TULP4: variants seen among roughly 807,000 people sequenced by gnomAD.
The protein encoded by TULP4 is tubby-related protein 4.
TULP4 carries 16 observed loss-of-function variants against 129.0 expected under a neutral mutation model. The ratio of observed to expected loss-of-function variants is 0.12; its 90% CI spans 0.08 to 0.19. The LOEUF is 0.19. Among genes scored for constraint, TULP4 ranks in the 10% least tolerant of loss-of-function variants. TULP4 has a pLI of 1.00. For synonymous variants in TULP4, 998 were observed against 854.0 expected, an observed-to-expected ratio of 1.17 and a Z score of -2.94; for missense variants, 1,842 against 2,059.1, an observed-to-expected ratio of 0.89 and a Z score of 2.04.
intron 1 of TULP4, among the ~76,000 whole-genome samples, chr6:158,348,682 C>T (rs1439098688): frequency 2.0e-5 from 3 of 152,080 alleles, no homozygotes; most frequent in Non-Finnish European, 2.9e-5. Flanking sequence ...TCTCGATGGT[C>T]GCTGTCTCTT....
At chr6:158,443,571 ATT>A (rs1778948764) in intron 3 of TULP4, among the ~76,000 whole-genome samples, 1 of 152,180 alleles carries the variant, frequency 6.6e-6, no homozygotes, top group Non-Finnish European at 1.5e-5. Context: ...TTAACATTAA[ATT>A]TGAGGCCTGA....
At chr6:158,499,166 A>G (rs947836716) in intron 12 of TULP4, among the ~76,000 whole-genome samples, 6 of 152,210 alleles carry the variant, frequency 3.9e-5, no homozygotes, top group Admixed American at 3.9e-4. Flanking sequence ...ATAAAATCAG[A>G]ACTGAGACTC....
chr6:158,305,844 AC>A (rs34591053), intron 1 of TULP4, among the ~76,000 whole-genome samples: 1 of 151,668 alleles, frequency 6.6e-6, no homozygotes, highest in East Asian at 1.9e-4. Flanking sequence ...TTTTATACCA[AC>A]CCCCCTTACT....
chr6:158,501,778 G>A lies in TULP4; in HGVS notation c.2115G>A (p.Gln705=), dbSNP rs1562593431. 1 of 1,614,154 alleles carries A rather than the reference G, an allele frequency of 6.2e-7. No homozygotes were observed. Among genetic ancestry groups the A allele is most frequent in the East Asian group, 2.2e-5 (1 of 44,874 alleles). ...HSSAQAMSPT[Q]SIGLVQSLLA... ...CGGCTCAGGCTATGTCCCCCACGCA[G>A]AGCATAGGGCTGGTGCAGTCCCTAC... The change falls in exon 13 of 14, where the codon CAG becomes CAA. Residue 705 remains glutamine, a synonymous_variant. Coordinates refer to ENST00000367097, the MANE Select transcript of TULP4 (RefSeq NM_020245.5).
At chr6:158,263,154 T>G (rs1583686233) in intron 1 of TULP4, among the ~76,000 whole-genome samples, 1 of 152,364 alleles carries the variant, frequency 6.6e-6, no homozygotes, top group South Asian at 2.1e-4. Flanking sequence ...TAAGATCGTT[T>G]GTTTAGCCTT....
intron 1 of TULP4, among the ~76,000 whole-genome samples, chr6:158,318,572 C>T (rs1398445457): frequency 6.6e-6 from 1 of 152,166 alleles, no homozygotes; most frequent in African/African-American, 2.4e-5. Flanking sequence ...AATAACCTGC[C>T]TAAATTCATG....
intron 2 of TULP4, among the ~76,000 whole-genome samples, chr6:158,421,756 T>C (rs1778347842): frequency 6.6e-6 from 1 of 152,200 alleles, no homozygotes; most frequent in Admixed American, 6.5e-5. Context: ...AAGCACGTTT[T>C]GGGGTAAAAT....
chr6:158,497,665 C>T (rs1251866147), intron 11 of TULP4, among the ~76,000 whole-genome samples: 6 of 152,120 alleles, frequency 3.9e-5, no homozygotes, highest in African/African-American at 1.4e-4. Context: ...ATTTTTAAAC[C>T]AAAATTCATA....
chr6:158,314,412 C>G, intron 1 of TULP4, 144 bp downstream of exon 1: 1 of 834,918 alleles, frequency 1.2e-6, no homozygotes, highest in Non-Finnish European at 1.7e-6. Context: ...CTCTTATTCT[C>G]TGGCAGAAAA....
intron 11 of TULP4, among the ~76,000 whole-genome samples, chr6:158,498,158 G>C (rs1042933467): frequency 6.6e-6 from 1 of 152,122 alleles, no homozygotes; most frequent in Non-Finnish European, 1.5e-5. Context: ...AGTAAACCAA[G>C]GTTCCAGCCG....
Position 158,471,966 on chromosome 6 carries a change from C to CA in TULP4, c.1027-7784dup, listed in dbSNP as rs149978517. Among the ~76,000 whole-genome samples the CA allele has an allele frequency of 7.4e-3, 1,130 of 152,298 alleles. 13 individuals are homozygous for CA. Among genetic ancestry groups the CA allele is most frequent in the African/African-American group, 0.025 (1,047 of 41,564 alleles). On this transcript the variant is annotated intron_variant, in intron 6 of 13. Transcript: ENST00000367097. ...AATTCAAGTGCTGAAACACACTCAG[C>CA]ATTGTCCCCACTTCATCTGACTTAG...
At chr6:158,271,379 C>T (rs1161475786) in intron 1 of TULP4, among the ~76,000 whole-genome samples, 1 of 152,002 alleles carries the variant, frequency 6.6e-6, no homozygotes, top group Non-Finnish European at 1.5e-5. Context: ...AGACATCTAA[C>T]TCTCACAGGC....
At chr6:158,339,176 T>A (rs4708788) in intron 1 of TULP4, among the ~76,000 whole-genome samples, 47 of 152,214 alleles carry the variant, frequency 3.1e-4, no homozygotes, top group African/African-American at 6.3e-4. Context: ...GCTGGTGTCC[T>A]GGGGGAGACA....
intron 1 of TULP4, among the ~76,000 whole-genome samples, chr6:158,356,527 A>G (rs1484997485): frequency 6.6e-6 from 1 of 152,210 alleles, no homozygotes; most frequent in Non-Finnish European, 1.5e-5. Context: ...AGGGTAGGGA[A>G]GACTGATACT....
intron 8 of TULP4, among the ~76,000 whole-genome samples, chr6:158,484,986 G>A (rs1268437208): frequency 6.6e-6 from 1 of 152,226 alleles, no homozygotes; most frequent in Non-Finnish European, 1.5e-5. Flanking sequence ...CTGGGTAATG[G>A]ATATAGGCTA....
intron 1 of TULP4, among the ~76,000 whole-genome samples, chr6:158,247,138 A>G (rs1490627901): frequency 3.9e-5 from 6 of 152,196 alleles, no homozygotes; most frequent in Non-Finnish European, 8.8e-5. Context: ...AACATGTTAC[A>G]TGGGGTATTA....
chr6:158,470,665 CAAG>C (rs1779660169), intron 6 of TULP4, among the ~76,000 whole-genome samples: 1 of 152,152 alleles, frequency 6.6e-6, no homozygotes, highest in African/African-American at 2.4e-5. Flanking sequence ...ATATGTCAAA[CAAG>C]AGAACAACAG....
chr6:158,400,847 G>A (rs997028536), intron 1 of TULP4, among the ~76,000 whole-genome samples: 2 of 152,186 alleles, frequency 1.3e-5, no homozygotes, highest in Middle Eastern at 6.8e-3. Context: ...GTACCTGCCT[G>A]AGGTAGGGAA....
intron 1 of TULP4, among the ~76,000 whole-genome samples, chr6:158,410,841 C>T (rs1289193648): frequency 6.6e-6 from 1 of 152,022 alleles, no homozygotes; most frequent in African/African-American, 2.4e-5. Context: ...GGGTTTGTTG[C>T]CCTGCTCCCC....
Sources: allele counts gnomAD v4.1 joint callset (sites outside exome capture counted in the v4.1 genomes callset), GRCh38; gene constraint gnomAD v4.1.1; transcripts MANE v1.5; gene names NCBI Gene and HGNC (gene_info 2026-07-23, HGNC 2026-07-21).